Variants in ULK4 observed in about 807,000 individuals in gnomAD.
ULK4 encodes unc-51 like kinase 4.
Under a neutral mutation model 160.6 loss-of-function variants are expected in ULK4, and 133 were observed. The observed-to-expected ratio is 0.83, with a 90% CI of 0.72 to 0.96. The LOEUF is 0.96. ULK4 is among the 40% of genes least tolerant of loss of function. The pLI, the probability that ULK4 is intolerant of heterozygous loss-of-function variation, is 0.00. For synonymous variants in ULK4, 534 were observed against 539.8 expected (o/e 0.99, Z 0.15); for missense variants, 1,580 against 1,499.5 (o/e 1.05, Z -0.89).
chr3:41,826,027 T>G (rs2041335165), intron 18 of ULK4, among the ~76,000 whole-genome samples: 2 of 152,124 alleles, frequency 1.3e-5, no homozygotes, highest in Non-Finnish European at 2.9e-5. Flanking sequence ...AGAAAAGAAT[T>G]TTCAACCCAG....
intron 35 of ULK4, among the ~76,000 whole-genome samples, chr3:41,368,137 T>C (rs2081289285): frequency 6.6e-6 from 1 of 152,070 alleles, no homozygotes; most frequent in South Asian, 2.1e-4. Flanking sequence ...AACCTCTGCC[T>C]CTGGGGTTAA....
chr3:41,341,166 T>C (rs1314481148), intron 35 of ULK4, among the ~76,000 whole-genome samples: 1 of 152,192 alleles, frequency 6.6e-6, no homozygotes, highest in Non-Finnish European at 1.5e-5. Context: ...TGTGAGCTAA[T>C]AATCGTCCAC....
intron 34 of ULK4, among the ~76,000 whole-genome samples, chr3:41,407,188 A>T (rs1017775968): frequency 6.6e-6 from 1 of 152,194 alleles, no homozygotes; most frequent in Non-Finnish European, 1.5e-5. Context: ...AAATAAATTT[A>T]TGGCTAAAAA....
At chr3:41,370,623 C>A (rs137921483) in intron 35 of ULK4, among the ~76,000 whole-genome samples, 2 of 152,202 alleles carry the variant, frequency 1.3e-5, no homozygotes, top group African/African-American at 2.4e-5. Context: ...CGGAGCTATT[C>A]GGCCCAGATA....
Position 41,506,767 on chromosome 3 carries a change from A to AAAAAAAAAAAATATATATATAAAT in ULK4, c.3227-43515_3227-43514insATTTATATATATATTTTTTTTTTT. Among the ~76,000 whole-genome samples, 80 of 56,788 alleles carry AAAAAAAAAAAATATATATATAAAT rather than the reference A, an allele frequency of 1.4e-3. 13 individuals are homozygous for AAAAAAAAAAAATATATATATAAAT. The highest frequency in any genetic ancestry group is 1.7e-3 in the African/African-American group (21 of 12,244). 37.3% of individuals were successfully genotyped at this position (56,788 alleles called of 152,430 possible). A position where few individuals can be genotyped will look rare whatever the true frequency, so the allele number is the denominator to read the frequency against. The stretch of plus-strand genomic sequence containing the variant: ...AGCAATACACTGGAGTGTGATTTAA[A>AAAAAAAAAAAATATATATATAAAT]ATATATATATATATATATATATATA... On this transcript the variant is annotated intron_variant, in intron 32 of 36. Transcript: ENST00000301831.
At chr3:41,513,884 G>T (rs1159412618) in intron 32 of ULK4, among the ~76,000 whole-genome samples, 1 of 152,066 alleles carries the variant, frequency 6.6e-6, no homozygotes, top group Non-Finnish European at 1.5e-5. Context: ...GGTGATGGAT[G>T]CATCATAATC....
At chr3:41,792,286 T>A (rs1348992213) in intron 20 of ULK4, among the ~76,000 whole-genome samples, 1 of 151,804 alleles carries the variant, frequency 6.6e-6, no homozygotes, top group Non-Finnish European at 1.5e-5. Context: ...GAGGTAGGGG[T>A]GTGTGTGTGT....
At chr3:41,431,355 A>AAATAATAATAAT (rs57010705) in intron 34 of ULK4, among the ~76,000 whole-genome samples, 19 of 139,124 alleles carry the variant, frequency 1.4e-4, no homozygotes, top group African/African-American at 2.1e-4. Context: ...ACACACACAC[A>AAATAATAATAAT]AATAATAATA....
intron 12 of ULK4, among the ~76,000 whole-genome samples, chr3:41,902,626 G>T: frequency 7.2e-6 from 1 of 139,048 alleles, no homozygotes; most frequent in South Asian, 2.4e-4. Flanking sequence ...TGAAGAGGAA[G>T]TTTGTTTAAA....
rs1716975 is a variant in ULK4, at chr3:41,918,514, T to C, written c.670A>G (p.Ile224Val). Residue 224 changes from isoleucine to valine, a missense_variant, in exon 7 of 37, where the codon ATT (isoleucine) becomes GTT (valine). Ile to Val is a conservative substitution (Grantham distance 29, BLOSUM62 3). Transcript: ENST00000301831. ...AAGATCTTTTCAGTTAATTCTGAAA[T>C]ACTTTCTGAGAAGAATGGAGGTTTT... The part of the protein sequence containing the change: ...SGKPPFFSES[I>V]SELTEKILCE... The C allele has an allele frequency of 0.8, 1,269,436 of 1,581,668 alleles. 519,508 individuals carry two copies. Among genetic ancestry groups the C allele is most frequent in the East Asian group, 0.85 (37,412 of 44,022 alleles).
intron 32 of ULK4, among the ~76,000 whole-genome samples, chr3:41,537,840 A>G (rs1180587939): frequency 6.6e-6 from 1 of 152,148 alleles, no homozygotes; most frequent in Admixed American, 6.5e-5. Flanking sequence ...ATATTTCCAC[A>G]AAACAGAGTT....
At chr3:41,830,751 T>G (rs1305263155) in intron 18 of ULK4, among the ~76,000 whole-genome samples, 2 of 152,000 alleles carry the variant, frequency 1.3e-5, no homozygotes, top group Admixed American at 6.6e-5. Flanking sequence ...ATCAAAGATC[T>G]GACAAAATAA....
chr3:41,440,675 G>A (rs2083145195), intron 34 of ULK4, among the ~76,000 whole-genome samples: 1 of 152,080 alleles, frequency 6.6e-6, no homozygotes, highest in East Asian at 1.9e-4. Flanking sequence ...AGAATGAGTT[G>A]GGAAACAGAG....
At chr3:41,955,001 A>G (rs1354528838) in intron 1 of ULK4, among the ~76,000 whole-genome samples, 194 bp from the exon 2 acceptor site, 1 of 152,202 alleles carries the variant, frequency 6.6e-6, no homozygotes, top group African/African-American at 2.4e-5. Flanking sequence ...CAAATAAATA[A>G]AACTTCACAG....
chr3:41,375,357 G>T (rs1003130457), intron 35 of ULK4, among the ~76,000 whole-genome samples: 1 of 151,246 alleles, frequency 6.6e-6, no homozygotes, highest in East Asian at 2.0e-4. Flanking sequence ...AAAGCTGGAG[G>T]CATCACACTA....
At chr3:41,760,552 C>T (rs2038952790) in intron 21 of ULK4, among the ~76,000 whole-genome samples, 1 of 152,082 alleles carries the variant, frequency 6.6e-6, no homozygotes, top group Admixed American at 6.5e-5. Context: ...AAATCCAAAA[C>T]TTTTTGAGCA....
At chr3:41,377,116 A>C (rs1048725698) in intron 35 of ULK4, among the ~76,000 whole-genome samples, 3 of 152,148 alleles carry the variant, frequency 2.0e-5, no homozygotes, top group Non-Finnish European at 4.4e-5. Flanking sequence ...CAAAAACAAG[A>C]AATTGGGAAA....
At chr3:41,827,400 TG>T (rs1273620190) in intron 18 of ULK4, among the ~76,000 whole-genome samples, 1 of 151,744 alleles carries the variant, frequency 6.6e-6, no homozygotes, top group Non-Finnish European at 1.5e-5. Context: ...TCAACAAAAT[TG>T]ATAGACCACT....
chr3:41,361,880 C>T (rs1315139238), intron 35 of ULK4, among the ~76,000 whole-genome samples: 1 of 152,166 alleles, frequency 6.6e-6, no homozygotes, highest in East Asian at 1.9e-4. Flanking sequence ...GAAGTAAGAG[C>T]TTCAGCAGGC....
Sources: allele counts gnomAD v4.1 joint callset (sites outside exome capture counted in the v4.1 genomes callset), GRCh38; gene constraint gnomAD v4.1.1; transcripts MANE v1.5; gene names NCBI Gene and HGNC (gene_info 2026-07-23, HGNC 2026-07-21).